The following ITFG1 variants were observed in gnomAD, a reference collection of about 807,000 sequenced individuals.
The protein encoded by ITFG1 is integrin alpha FG-GAP repeat containing 1, also known as T-cell immunomodulatory protein.
ITFG1 carries 34 observed loss-of-function variants against 81.8 expected under a neutral mutation model. That is an observed-to-expected ratio of 0.42 (90% confidence interval 0.32 to 0.55). The LOEUF (loss-of-function observed/expected upper bound fraction) is 0.55, where lower values mean the gene tolerates loss of function less well. Ranked by LOEUF, ITFG1 falls within the 20% of genes least tolerant of loss-of-function variation. The pLI is 0.17. For missense variants in ITFG1, 672 were observed against 755.4 expected, an observed-to-expected ratio of 0.89 and a Z score of 1.29; for synonymous variants, 285 against 270.6, an observed-to-expected ratio of 1.05 and a Z score of -0.52.
chr16:47,279,432 A>G (rs1966430933), intron 10 of ITFG1, among the ~76,000 whole-genome samples: 1 of 152,146 alleles, frequency 6.6e-6, no homozygotes, highest in Admixed American at 6.6e-5. Context: ...TCTCTTAAAC[A>G]CCGTTAGCTG....
chr16:47,173,312 C>G (rs1301264202), intron 14 of ITFG1, among the ~76,000 whole-genome samples: 2 of 152,128 alleles, frequency 1.3e-5, no homozygotes, highest in South Asian at 4.1e-4. Context: ...TGTCTTCCCC[C>G]ACTAGAATGC....
chr16:47,448,050 C>CT (rs956128024), intron 5 of ITFG1: 17 of 152,024 alleles, frequency 1.1e-4, no homozygotes, highest in African/African-American at 4.1e-4. Flanking sequence ...TCAAAGTTAT[C>CT]TTTTTTTGTT....
Position 47,451,597 on chromosome 16 carries a change from AG to A in ITFG1, c.486-128del, listed in dbSNP as rs1469835499. ...CAATGCTCGCCAGTATCTAGTGATA[AG>A]TATTAAGTCAAATGTCAGCACAAGT... On this transcript the variant is annotated intron_variant, in intron 4 of 17. Coordinates refer to ENST00000320640, the MANE Select transcript of ITFG1 (RefSeq NM_030790.5). 1.0e-5 allele frequency: 6 copies of A among 593,292 alleles called. No individual in the cohort carries two copies. In the East Asian group the frequency reaches 1.7e-4, roughly 17 times the overall value. 36.8% of individuals were successfully genotyped at this position (593,292 alleles called of 1,614,324 possible).
intron 10 of ITFG1, among the ~76,000 whole-genome samples, chr16:47,272,025 C>T (rs912502553): frequency 6.6e-6 from 1 of 152,192 alleles, no homozygotes; most frequent in African/African-American, 2.4e-5. Context: ...TGTCCATCAA[C>T]TGAAGGATGA....
At chr16:47,207,116 T>C (rs1965508789) in intron 14 of ITFG1, among the ~76,000 whole-genome samples, 1 of 152,192 alleles carries the variant, frequency 6.6e-6, no homozygotes, top group African/African-American at 2.4e-5. Flanking sequence ...GGAGTCTCGC[T>C]CTGTCGCCCA....
intron 10 of ITFG1, among the ~76,000 whole-genome samples, chr16:47,270,111 C>A (rs1007709231): frequency 7.9e-5 from 12 of 152,036 alleles, no homozygotes; most frequent in African/African-American, 2.9e-4. Flanking sequence ...TTGTAAAATC[C>A]AGACCTCTTC....
chr16:47,449,619 T>C (rs764211309), intron 5 of ITFG1: 2 of 152,200 alleles, frequency 1.3e-5, no homozygotes, highest in Non-Finnish European at 2.9e-5. Flanking sequence ...GTTTAATTTG[T>C]AACTGAGGTT....
chr16:47,163,602 A>G lies in ITFG1; in HGVS notation c.1454-938T>C, dbSNP rs529690171. On this transcript the variant is annotated intron_variant, in intron 14 of 17. Transcript: ENST00000320640. The stretch of plus-strand genomic sequence containing the variant: ...TTACTATGAAAATACTGCTGTGAAC[A>G]TTCATATACAGGTTTATTTTTGTAT... Among the ~76,000 whole-genome samples the G allele has an allele frequency of 3.9e-5, 6 of 152,292 alleles. No homozygotes were observed. In the East Asian group the frequency reaches 1.2e-3, roughly 29 times the overall value.
chr16:47,316,501 C>A (rs1250985813), intron 8 of ITFG1, among the ~76,000 whole-genome samples: 1 of 152,118 alleles, frequency 6.6e-6, no homozygotes, highest in Non-Finnish European at 1.5e-5. Context: ...ATACAGTTAA[C>A]AATTCACAGT....
At chr16:47,453,410 A>G (rs1350986297) in intron 3 of ITFG1, among the ~76,000 whole-genome samples, 1 of 152,172 alleles carries the variant, frequency 6.6e-6, no homozygotes, top group Non-Finnish European at 1.5e-5. Context: ...TTCCTGTGCT[A>G]AGGAGACTAG....
intron 6 of ITFG1, among the ~76,000 whole-genome samples, chr16:47,390,825 C>A (rs1196321013): frequency 6.6e-6 from 1 of 152,064 alleles, no homozygotes; most frequent in Non-Finnish European, 1.5e-5. Context: ...AAATCCAATA[C>A]TGAAATAGGC....
chr16:47,302,224 T>C (rs909928043), intron 10 of ITFG1, among the ~76,000 whole-genome samples: 1 of 152,204 alleles, frequency 6.6e-6, no homozygotes, highest in Non-Finnish European at 1.5e-5. Flanking sequence ...ACGGAAGGGT[T>C]ACCAGTCACT....
chr16:47,454,280 G>T, intron 2 of ITFG1, 122 bp from the exon 3 acceptor site: 2 of 802,872 alleles, frequency 2.5e-6, no homozygotes, highest in Non-Finnish European at 2.1e-6. Context: ...CTGACTGATT[G>T]CCTTCTCTTT....
At chr16:47,370,843 C>T (rs73541102) in intron 7 of ITFG1, among the ~76,000 whole-genome samples, 10,443 of 152,258 alleles carry the variant, frequency 0.069, 600 homozygotes, top group African/African-American at 0.15. Context: ...GCCCCACCAG[C>T]GGTGGAGGTC....
chr16:47,452,633 A>G (rs1969403210), intron 4 of ITFG1, 100 bp downstream of exon 4: 1 of 732,284 alleles, frequency 1.4e-6, no homozygotes, highest in Non-Finnish European at 2.3e-6. Context: ...CTCTGAGTGA[A>G]TTTAGTATTT....
At chr16:47,173,174 A>C (rs1964981044) in intron 14 of ITFG1, among the ~76,000 whole-genome samples, 1 of 152,198 alleles carries the variant, frequency 6.6e-6, no homozygotes, top group South Asian at 2.1e-4. Context: ...CATACAATCA[A>C]AGACCCTCTT....
chr16:47,181,277 G>C (rs1293426104), intron 14 of ITFG1, among the ~76,000 whole-genome samples: 1 of 147,284 alleles, frequency 6.8e-6, no homozygotes, highest in Non-Finnish European at 1.5e-5. Flanking sequence ...CACCCCGTCT[G>C]GGAAGTGAGG....
rs1965909692 is a variant in ITFG1, at chr16:47,239,428, T to C, written c.1331-1420A>G. Among the ~76,000 whole-genome samples, 3 of 152,232 alleles carry C rather than the reference T, an allele frequency of 2.0e-5. No individual in the cohort carries two copies. In the South Asian group the frequency reaches 6.2e-4, roughly 32 times the overall value. Reference sequence around the variant, plus strand: ...GCTGGCCAGGATGGTCTCAATCTCTTGACCTTGTGATCCGCCTGCCTCGGC... The same window carrying C: ...GCTGGCCAGGATGGTCTCAATCTCTCGACCTTGTGATCCGCCTGCCTCGGC... On this transcript the variant is annotated intron_variant, in intron 12 of 17. Transcript: ENST00000320640.
At chr16:47,398,021 C>A (rs555034472) in intron 6 of ITFG1, among the ~76,000 whole-genome samples, 3 of 152,168 alleles carry the variant, frequency 2.0e-5, no homozygotes, top group Non-Finnish European at 4.4e-5. Flanking sequence ...TTTAATCATT[C>A]TTTAATGCTT....
Sources: gnomAD v4.1 joint callset for allele counts (sites outside exome capture counted in the v4.1 genomes callset) on GRCh38, gnomAD v4.1.1 for gene constraint, MANE v1.5 for transcripts, NCBI Gene and HGNC (gene_info 2026-07-23, HGNC 2026-07-21) for gene names.